Variants in SGIP1 observed in about 807,000 individuals in gnomAD.
SGIP1 encodes SH3-containing GRB2-like protein 3-interacting protein 1.
A neutral mutation model predicts 107.5 loss-of-function variants in SGIP1; 38 were observed. The observed-to-expected ratio is 0.35, with a 90% CI of 0.27 to 0.46. The LOEUF is 0.46. Ranked by LOEUF, SGIP1 falls within the 20% of genes least tolerant of loss-of-function variation. SGIP1 has a pLI of 1.00. For synonymous variants in SGIP1, 365 were observed against 366.1 expected (o/e 1.00, Z 0.03); for missense variants, 929 against 1,019.5 (o/e 0.91, Z 1.21).
upstream of SGIP1, chr1:66,533,377 G>T (rs1231500797): frequency 2.0e-5 from 3 of 152,316 alleles, no homozygotes; most frequent in African/African-American, 4.8e-5. Flanking sequence ...GATCTCGAGC[G>T]TTGCCAGTTT....
chr1:66,663,708 G>A (rs2081978385), intron 8 of SGIP1, among the ~76,000 whole-genome samples: 3 of 152,032 alleles, frequency 2.0e-5, no homozygotes, highest in Admixed American at 6.6e-5. Flanking sequence ...ATTCCCTGCT[G>A]AAGGCATTTT....
intron 19 of SGIP1, among the ~76,000 whole-genome samples, chr1:66,722,553 G>A (rs2093589011): frequency 6.6e-6 from 1 of 152,120 alleles, no homozygotes; most frequent in Admixed American, 6.5e-5. Flanking sequence ...TTTACAAAAT[G>A]GCTACTATGT....
rs71058473 is a variant in SGIP1, at chr1:66,749,995, TTC to T, written c.*6920_*6921del. On this transcript the variant is annotated 3_prime_UTR_variant, in exon 25 of 25. Coordinates refer to ENST00000371037, the MANE Select transcript of SGIP1 (RefSeq NM_032291.4). The stretch of plus-strand genomic sequence containing the variant: ...GAGATTGGCTCCTATCTAATTCATA[TTC>T]TCTCTCTCTCTCTCTCTCTTTCTCT... 2.9e-4 allele frequency among the ~76,000 whole-genome samples: 27 copies of T among 92,970 alleles called. No individual in the cohort carries two copies. The highest frequency in any genetic ancestry group is 1.2e-3 in the East Asian group (5 of 4,346). The allele number at this position is 92,970 out of a possible 152,430, so 61.0% of individuals were successfully genotyped here.
At chr1:66,666,349 G>A (rs1339277760) in intron 8 of SGIP1, 3 of 180,682 alleles carry the variant, frequency 1.7e-5, no homozygotes, top group South Asian at 1.0e-4. Flanking sequence ...TTAGGTACCA[G>A]CAGCATGCTG....
intron 1 of SGIP1, among the ~76,000 whole-genome samples, chr1:66,597,292 T>C (rs1160867021): frequency 6.6e-6 from 1 of 152,256 alleles, no homozygotes; most frequent in Admixed American, 6.5e-5. Flanking sequence ...CTTCCGCTTA[T>C]AAGTGAGAAC....
intron 1 of SGIP1, among the ~76,000 whole-genome samples, chr1:66,596,717 T>C (rs2064787539): frequency 6.6e-6 from 1 of 151,632 alleles, no homozygotes; most frequent in Non-Finnish European, 1.5e-5. Context: ...AATTTCCTGA[T>C]TGTGATATTG....
intron 1 of SGIP1, among the ~76,000 whole-genome samples, chr1:66,545,159 T>A (rs2056080684): frequency 1.3e-5 from 2 of 152,202 alleles, no homozygotes; most frequent in Non-Finnish European, 2.9e-5. Flanking sequence ...AATTTCCTCA[T>A]CTGCCTTTGA....
intron 1 of SGIP1, among the ~76,000 whole-genome samples, chr1:66,558,392 C>T (rs2058476905): frequency 6.6e-6 from 1 of 151,948 alleles, no homozygotes; most frequent in African/African-American, 2.4e-5. Context: ...TGTAGCCAGT[C>T]CTGCCTGGCT....
At position 66,750,565 on chromosome 1, in the gene SGIP1, C is replaced by G. The variant is rs2094610190; in HGVS notation, c.*7470C>G. Reference sequence around the variant, plus strand: ...TAAGTACATAATTTCACAAAAATACCTTGGGCATAAAATACTTACAAAACT... The same window carrying G: ...TAAGTACATAATTTCACAAAAATACGTTGGGCATAAAATACTTACAAAACT... On this transcript the variant is annotated 3_prime_UTR_variant, in exon 25 of 25. Coordinates refer to ENST00000371037, the MANE Select transcript of SGIP1 (RefSeq NM_032291.4). 6.6e-6 allele frequency among the ~76,000 whole-genome samples: 1 copy of G among 152,102 alleles called. No individual in the cohort carries two copies. The highest frequency in any genetic ancestry group is 2.4e-5 in the African/African-American group (1 of 41,404).
intron 11 of SGIP1, 141 bp downstream of exon 11, chr1:66,672,136 T>C: frequency 1.4e-6 from 1 of 740,492 alleles, no homozygotes; most frequent in Non-Finnish European, 2.3e-6. Flanking sequence ...GTCCACAGCA[T>C]GGTCCAAATA....
chr1:66,695,255 TAAAAAA>T, intron 17 of SGIP1, 173 bp from the exon 18 acceptor site: 2 of 944,376 alleles, frequency 2.1e-6, no homozygotes, highest in Admixed American at 4.7e-5. Flanking sequence ...TTTCCTGAAC[TAAAAAA>T]AAAAAAAAAA....
chr1:66,684,500 C>T (rs1029083169), intron 15 of SGIP1, among the ~76,000 whole-genome samples: 1 of 152,180 alleles, frequency 6.6e-6, no homozygotes, highest in Admixed American at 6.5e-5. Context: ...AACCCAAAGA[C>T]ATTACTCGTC....
At chr1:66,669,430 C>T (rs979392835) in intron 9 of SGIP1, among the ~76,000 whole-genome samples, 4 of 152,170 alleles carry the variant, frequency 2.6e-5, no homozygotes, top group African/African-American at 9.7e-5. Context: ...GGCTGTGTTC[C>T]CTCAATGCCA....
chr1:66,709,603 G>A (rs374509222), intron 18 of SGIP1, among the ~76,000 whole-genome samples: 1 of 152,046 alleles, frequency 6.6e-6, no homozygotes, highest in African/African-American at 2.4e-5. Context: ...CAATAATATT[G>A]TTCCTCCCCT....
At chr1:66,589,210 A>ATGTGTGTGTGTGTGTGTGTG (rs1351093715) in intron 1 of SGIP1, among the ~76,000 whole-genome samples, 51 of 69,004 alleles carry the variant, frequency 7.4e-4, no homozygotes, top group South Asian at 2.6e-3. Context: ...ATATATATAT[A>ATGTGTGTGTGTGTGTGTGTG]TATATATGTA....
At chr1:66,714,929 A>G (rs1457360232) in intron 18 of SGIP1, among the ~76,000 whole-genome samples, 1 of 152,128 alleles carries the variant, frequency 6.6e-6, no homozygotes, top group Non-Finnish European at 1.5e-5. Context: ...CTGTTTTCCA[A>G]TAATGCTACT....
chr1:66,567,759 G>A (rs1434999884), intron 1 of SGIP1, among the ~76,000 whole-genome samples: 1 of 152,082 alleles, frequency 6.6e-6, no homozygotes. Context: ...ATTAAATAGG[G>A]AATCCTTTCC....
intron 1 of SGIP1, among the ~76,000 whole-genome samples, chr1:66,551,265 T>C (rs2057358977): frequency 1.3e-5 from 2 of 152,170 alleles, no homozygotes; most frequent in African/African-American, 4.8e-5. Context: ...TGATGTTGGA[T>C]GTTTCAGAGA....
At chr1:66,625,027 C>A (rs573061308) in intron 1 of SGIP1, among the ~76,000 whole-genome samples, 4 of 152,082 alleles carry the variant, frequency 2.6e-5, no homozygotes, top group Non-Finnish European at 4.4e-5. Context: ...AATGAGGGAG[C>A]CTTGGCCTTT....
Sources: allele counts gnomAD v4.1 joint callset (sites outside exome capture counted in the v4.1 genomes callset), GRCh38; gene constraint gnomAD v4.1.1; transcripts MANE v1.5; gene names NCBI Gene and HGNC (gene_info 2026-07-23, HGNC 2026-07-21).